Variants in TNR observed in about 807,000 individuals in gnomAD.
The protein encoded by TNR is tenascin-R.
A neutral mutation model predicts 150.4 loss-of-function variants in TNR; 45 were observed. The observed-to-expected ratio is 0.30, with a 90% CI of 0.24 to 0.38. The LOEUF (loss-of-function observed/expected upper bound fraction) is 0.38. Ranked by LOEUF, TNR falls within the 10% of genes least tolerant of loss-of-function variation. TNR has a pLI of 1.00. For synonymous variants in TNR, 687 were observed against 678.4 expected (o/e 1.01, Z -0.20); for missense variants, 1,544 against 1,759.1 (o/e 0.88, Z 2.19).
At chr1:175,529,119 A>G (rs1659966690) in intron 1 of TNR, among the ~76,000 whole-genome samples, 1 of 152,128 alleles carries the variant, frequency 6.6e-6, no homozygotes, top group African/African-American at 2.4e-5. Context: ...CCGCTACACA[A>G]TTTCCAAGGA....
chr1:175,621,031 G>C (rs1250527721), intron 1 of TNR, among the ~76,000 whole-genome samples: 1 of 152,084 alleles, frequency 6.6e-6, no homozygotes, highest in African/African-American at 2.4e-5. Flanking sequence ...CTATGACCAC[G>C]CACCCCTCTT....
chr1:175,562,031 C>T (rs1315721852), intron 1 of TNR, among the ~76,000 whole-genome samples: 1 of 152,162 alleles, frequency 6.6e-6, no homozygotes. Context: ...TTCCTGCCAT[C>T]ACCTGTGGAA....
At chr1:175,643,673 T>C (rs1664731305) in intron 1 of TNR, among the ~76,000 whole-genome samples, 1 of 152,198 alleles carries the variant, frequency 6.6e-6, no homozygotes, top group Non-Finnish European at 1.5e-5. Context: ...TTATTTTCCT[T>C]CCTCTTTTCA....
chr1:175,632,257 T>A (rs1664349747), intron 1 of TNR, among the ~76,000 whole-genome samples: 1 of 152,178 alleles, frequency 6.6e-6, no homozygotes, highest in South Asian at 2.1e-4. Context: ...CAAATGTGAT[T>A]CTTAGAGATG....
intron 1 of TNR, among the ~76,000 whole-genome samples, chr1:175,712,767 G>T (rs1667052763): frequency 6.6e-6 from 1 of 152,060 alleles, no homozygotes; most frequent in African/African-American, 2.4e-5. Context: ...CACCATGATT[G>T]TGAGCTTCCT....
intron 18 of TNR, among the ~76,000 whole-genome samples, chr1:175,352,700 T>C (rs1436276996): frequency 6.6e-6 from 1 of 152,246 alleles, no homozygotes; most frequent in Non-Finnish European, 1.5e-5. Context: ...GTACCCAAGG[T>C]TTATTTTTAT....
At chr1:175,698,811 G>A (rs191003746) in intron 1 of TNR, among the ~76,000 whole-genome samples, 1 of 150,042 alleles carries the variant, frequency 6.7e-6, no homozygotes, top group Non-Finnish European at 1.5e-5. Context: ...ATAAAAGTAA[G>A]ACTCTGTCTC....
intron 2 of TNR, among the ~76,000 whole-genome samples, chr1:175,462,381 A>T (rs1656859223): frequency 6.6e-6 from 1 of 152,212 alleles, no homozygotes; most frequent in South Asian, 2.1e-4. Context: ...TCTTGTGTGT[A>T]CCGAAAACAT....
intron 2 of TNR, among the ~76,000 whole-genome samples, chr1:175,431,463 G>T (rs1432118124): frequency 1.3e-5 from 2 of 152,068 alleles, no homozygotes; most frequent in Non-Finnish European, 2.9e-5. Context: ...TTCTCACTAA[G>T]GTGATACCAT....
intron 2 of TNR, among the ~76,000 whole-genome samples, chr1:175,417,075 G>GAAAGAAAGAAATAAATAAATAAATAAAT (rs754333098): frequency 7.2e-6 from 1 of 138,164 alleles, no homozygotes; most frequent in Non-Finnish European, 1.6e-5. Flanking sequence ...AAGAAAGAAA[G>GAAAGAAAGAAATAAATAAATAAATAAAT]AAATCTAAGA....
chr1:175,565,545 C>T (rs1004554469), intron 1 of TNR, among the ~76,000 whole-genome samples: 1 of 152,172 alleles, frequency 6.6e-6, no homozygotes. Context: ...TCCCAGGATC[C>T]CCTGAGTGAG....
intron 18 of TNR, among the ~76,000 whole-genome samples, chr1:175,349,728 G>A (rs142621441): frequency 0.01 from 1,568 of 152,264 alleles, 102 homozygotes; most frequent in Admixed American, 0.096. Flanking sequence ...TGTGCAGTGT[G>A]ATTAATTGAA....
chr1:175,513,527 T>G (rs1006879677), intron 2 of TNR, among the ~76,000 whole-genome samples: 1 of 152,176 alleles, frequency 6.6e-6, no homozygotes, highest in Non-Finnish European at 1.5e-5. Flanking sequence ...CCCTCCCCAG[T>G]GCAGTGCTGC....
chr1:175,704,204 T>A (rs1466837910), intron 1 of TNR, among the ~76,000 whole-genome samples: 1 of 152,230 alleles, frequency 6.6e-6, no homozygotes, highest in Non-Finnish European at 1.5e-5. Context: ...ATTAAAATGT[T>A]AAATTTTATG....
chr1:175,614,474 T>C (rs1375630987), intron 1 of TNR, among the ~76,000 whole-genome samples: 1 of 152,240 alleles, frequency 6.6e-6, no homozygotes. Flanking sequence ...CTGCTCTGTC[T>C]CACCTCTTAC....
chr1:175,649,521 T>A (rs10913048), intron 1 of TNR, among the ~76,000 whole-genome samples: 1 of 151,942 alleles, frequency 6.6e-6, no homozygotes, highest in African/African-American at 2.4e-5. Flanking sequence ...TCCTTGTTTC[T>A]TGATGGAGCA....
intron 21 of TNR, among the ~76,000 whole-genome samples, chr1:175,326,401 A>G (rs1233875857): frequency 6.6e-6 from 1 of 152,164 alleles, no homozygotes; most frequent in South Asian, 2.1e-4. Context: ...GGGCCACTCA[A>G]TGCCTCTGAT....
chr1:175,563,311 G>C (rs1661505021), intron 1 of TNR, among the ~76,000 whole-genome samples: 1 of 152,218 alleles, frequency 6.6e-6, no homozygotes, highest in Non-Finnish European at 1.5e-5. Flanking sequence ...AGTTTTCAAA[G>C]CAGTCAACAC....
At chr1:175,364,754 T>C (rs1021277493) in intron 12 of TNR, among the ~76,000 whole-genome samples, 1 of 152,220 alleles carries the variant, frequency 6.6e-6, no homozygotes, top group African/African-American at 2.4e-5. Flanking sequence ...GTGGGAGGTC[T>C]TTTGGACAAA....
Sources: allele counts gnomAD v4.1 joint callset (sites outside exome capture counted in the v4.1 genomes callset), GRCh38; gene constraint gnomAD v4.1.1; transcripts MANE v1.5; gene names NCBI Gene and HGNC (gene_info 2026-07-23, HGNC 2026-07-21).